SLC36A1: variants seen among roughly 807,000 people sequenced by gnomAD.
SLC36A1 encodes solute carrier family 36 member 1.
SLC36A1 carries 30 observed loss-of-function variants against 47.5 expected under a neutral mutation model. The ratio of observed to expected loss-of-function variants is 0.63; its 90% confidence interval spans 0.47 to 0.86. The LOEUF is 0.86. SLC36A1 is among the 40% of genes least tolerant of loss of function. SLC36A1 has a pLI of 0.00. For missense variants in SLC36A1, 517 were observed against 606.0 expected, an observed-to-expected ratio of 0.85 and a Z score of 1.54; for synonymous variants, 255 against 249.7, an observed-to-expected ratio of 1.02 and a Z score of -0.20.
At chr5:151,545,730 C>A in the SLC36A1 span, 6 of 1,613,920 alleles carry the variant, frequency 3.7e-6, no homozygotes, top group East Asian at 1.1e-4. Context: ...TATAGACCAA[C>A]AAGGAATTAG....
At chr5:151,544,999 C>G in the SLC36A1 span, 9 of 1,614,210 alleles carry the variant, frequency 5.6e-6, no homozygotes, top group Non-Finnish European at 7.6e-6. Flanking sequence ...CCGATTGTCC[C>G]TCACTTCCAC....
At chr5:151,360,839 A>G in the SLC36A1 span, among the ~76,000 whole-genome samples, 1 of 152,056 alleles carries the variant, frequency 6.6e-6, no homozygotes, top group African/African-American at 2.4e-5. Flanking sequence ...GTTGAGAAGC[A>G]CTCATCTCCA....
At chr5:151,360,292 A>C in the SLC36A1 span, among the ~76,000 whole-genome samples, 1 of 152,200 alleles carries the variant, frequency 6.6e-6, no homozygotes, top group Admixed American at 6.5e-5. Context: ...TAACATACAC[A>C]GTTGATTAAC....
chr5:151,430,693 A>G, the SLC36A1 span, among the ~76,000 whole-genome samples: 1 of 152,156 alleles, frequency 6.6e-6, no homozygotes, highest in South Asian at 2.1e-4. Flanking sequence ...TGCATGGATT[A>G]TTTCAGTTGA....
At chr5:151,540,693 G>A in the SLC36A1 span, 1 of 1,614,158 alleles carries the variant, frequency 6.2e-7, no homozygotes. Context: ...CGCGGTCCAG[G>A]GTCTTCCTTG....
intron 10 of SLC36A1, among the ~76,000 whole-genome samples, chr5:151,487,046 C>T (rs372589897): frequency 6.6e-6 from 1 of 152,174 alleles, no homozygotes; most frequent in African/African-American, 2.4e-5. Flanking sequence ...TAGAAAGGTA[C>T]CATACCTTCC....
the SLC36A1 span, chr5:151,505,560 G>C: frequency 1.2e-6 from 2 of 1,614,044 alleles, no homozygotes; most frequent in Non-Finnish European, 1.7e-6. Flanking sequence ...TCTGGGAATG[G>C]GAAGCTAGAA....
chr5:151,466,812 C>T (rs976348075), intron 5 of SLC36A1, among the ~76,000 whole-genome samples: 3 of 152,134 alleles, frequency 2.0e-5, no homozygotes, highest in Non-Finnish European at 4.4e-5. Flanking sequence ...CCTCATGCAG[C>T]ATTCCAGACG....
chr5:151,459,791 T>C (rs961904389), intron 2 of SLC36A1: 4 of 150,234 alleles, frequency 2.7e-5, no homozygotes, highest in Admixed American at 6.7e-5. Flanking sequence ...CCATTCCTGA[T>C]GACTGCCCAA....
chr5:151,454,212 C>A (rs1371443754), intron 1 of SLC36A1, among the ~76,000 whole-genome samples: 2 of 148,146 alleles, frequency 1.4e-5, no homozygotes, highest in African/African-American at 5.0e-5. Context: ...CCTCAGTAAT[C>A]TGAAGGACAA....
the SLC36A1 span, chr5:151,531,923 G>A: frequency 1.2e-6 from 2 of 1,614,234 alleles, no homozygotes; most frequent in Non-Finnish European, 1.7e-6. The surrounding 1 kb of genome is among the most constrained non-coding windows in gnomAD (Gnocchi z 5.7). Context: ...ATGGAAAAGT[G>A]GCCTTCGGCT....
the SLC36A1 span, among the ~76,000 whole-genome samples, chr5:151,548,786 A>G: frequency 6.6e-6 from 1 of 152,184 alleles, no homozygotes; most frequent in Non-Finnish European, 1.5e-5. Context: ...TGGCCAACAT[A>G]CATTTTCTCT....
the SLC36A1 span, among the ~76,000 whole-genome samples, chr5:151,518,458 C>T: frequency 4.7e-5 from 7 of 149,872 alleles, no homozygotes; most frequent in African/African-American, 1.7e-4. Flanking sequence ...ACATAGTTTC[C>T]ATGTTATTTC....
In SLC36A1 at chr5:151,469,102, A is replaced by T. The variant is rs562598842; in HGVS notation, c.723+1177A>T. On this transcript the variant is annotated intron_variant, in intron 7 of 10. Coordinates refer to ENST00000243389, the MANE Select transcript of SLC36A1 (RefSeq NM_078483.4). Reference sequence around the variant, plus strand: ...AATAAAAGCATAACTTAAAAAAAAAAATACTTAAATTCAGTTCCCCAAATA... The same window carrying T: ...AATAAAAGCATAACTTAAAAAAAAATATACTTAAATTCAGTTCCCCAAATA... 62 of 442,502 alleles carry T rather than the reference A, an allele frequency of 1.4e-4. 1 individual carries two copies. In the South Asian group the frequency reaches 2.2e-3, roughly 16 times the overall value. The allele number at this position is 442,502 out of a possible 1,614,324, so 27.4% of individuals were successfully genotyped here.
chr5:151,399,065 A>AATATATATATATATATATAT, the SLC36A1 span, among the ~76,000 whole-genome samples: 62 of 66,578 alleles, frequency 9.3e-4, 1 homozygote, highest in Admixed American at 1.2e-3. Context: ...TGTGTGTGTA[A>AATATATATATATATATATAT]ATATATATAT....
chr5:151,512,835 A>T, the SLC36A1 span: 62 of 559,092 alleles, frequency 1.1e-4, no homozygotes, highest in African/African-American at 1.1e-3. The surrounding 1 kb of genome is among the most constrained non-coding windows in gnomAD (Gnocchi z 4.1). Flanking sequence ...AGGGGGTGAC[A>T]TCTCCATTCA....
At chr5:151,460,918 G>A (rs1214226978) in intron 2 of SLC36A1, among the ~76,000 whole-genome samples, 1 of 150,582 alleles carries the variant, frequency 6.6e-6, no homozygotes, top group African/African-American at 2.4e-5. Flanking sequence ...AGAAGTCAAG[G>A]GCTCAGCAAA....
chr5:151,477,467 G>A (rs752124646), intron 9 of SLC36A1: 1 of 152,604 alleles, frequency 6.6e-6, no homozygotes, highest in Non-Finnish European at 1.5e-5. Flanking sequence ...TAAGACAACA[G>A]CACTCAGTAT....
downstream of SLC36A1, among the ~76,000 whole-genome samples, chr5:151,495,472 T>C (rs1050454808): frequency 6.8e-4 from 104 of 152,290 alleles, no homozygotes; most frequent in African/African-American, 2.4e-3. Flanking sequence ...AACCAGGAAA[T>C]TGACATTAGC....
Sources: allele counts gnomAD v4.1 joint callset (sites outside exome capture counted in the v4.1 genomes callset), GRCh38; gene constraint gnomAD v4.1.1; non-coding constraint Gnocchi (gnomAD v3.1); transcripts MANE v1.5; gene names NCBI Gene and HGNC (gene_info 2026-07-23, HGNC 2026-07-21).